RECQL4: variants seen among roughly 807,000 people sequenced by gnomAD.
RECQL4 encodes the protein RecQ like helicase 4.
RECQL4 carries 158 observed loss-of-function variants against 128.6 expected under a neutral mutation model. The observed-to-expected ratio is 1.23, with a 90% CI of 1.08 to 1.40. The LOEUF is 1.40. RECQL4 is among the 40% of genes most tolerant of loss of function. The pLI is 0.00. For synonymous variants in RECQL4, 996 were observed against 678.9 expected (o/e 1.47, Z -7.26); for missense variants, 2,293 against 1,649.8 (o/e 1.39, Z -6.75).
At position 144,514,741 on chromosome 8, in the gene RECQL4, A is replaced by G. The variant is rs553297587; in HGVS notation, c.1620+195T>C. Among the ~76,000 whole-genome samples the G allele has an allele frequency of 3.9e-5, 6 of 152,090 alleles. No homozygotes were observed. The East Asian group carries it at 7.7e-4, about 20-fold the overall frequency. ...GTAGGGATGGCTCCTTTCCCAGCAC[A>G]TTTCCCGTAGGGGTGGCTGTGGTGC... On this transcript the variant is annotated intron_variant, in intron 9 of 20. Coordinates refer to ENST00000617875, the MANE Select transcript of RECQL4 (RefSeq NM_004260.4).
chr8:144,513,406 C>T lies in RECQL4; in HGVS notation c.2275G>A (p.Ala759Thr), dbSNP rs1198791067. The T allele has an allele frequency of 1.2e-6, 2 of 1,608,820 alleles. No homozygotes were observed. Among genetic ancestry groups the T allele is most frequent in the Non-Finnish European group, 1.7e-6 (2 of 1,179,724 alleles). Residue 759 changes from alanine (A) to threonine (T), a missense_variant, in exon 14 of 21, where the codon GCC becomes ACC. By Grantham distance (58) the Ala-to-Thr change is moderately conservative. Transcript: ENST00000617875. ...CSRERRRVQR[A>T]FMQGQLRVVV... Reference sequence around the variant, plus strand: ...ACCCGCAACTGGCCCTGCATGAAGGCTCGCTGTACCCGCCGCCGTTCCCGG... The same window carrying T: ...ACCCGCAACTGGCCCTGCATGAAGGTTCGCTGTACCCGCCGCCGTTCCCGG...
At chr8:144,512,793 G>C (rs776685542) in intron 15 of RECQL4, 22 bp from the exon 16 acceptor site, 1 of 1,610,718 alleles carries the variant, frequency 6.2e-7, no homozygotes, top group Non-Finnish European at 8.5e-7. Context: ...GCAGGGCTCA[G>C]CGGACGCGGG....
At chr8:144,517,392 T>A (rs754630264) in intron 3 of RECQL4, 22 bp downstream of exon 3, 1 of 1,550,342 alleles carries the variant, frequency 6.5e-7, no homozygotes, top group African/African-American at 1.4e-5. Flanking sequence ...GGGAGGAGGC[T>A]GGGGCGGCGG....
chr8:144,516,868 T>C, intron 4 of RECQL4, 104 bp from the exon 5 acceptor site: 2 of 1,387,120 alleles, frequency 1.4e-6, no homozygotes, highest in Non-Finnish European at 1.9e-6. Context: ...AGCAGGCTAA[T>C]TAGCACAAGG....
Position 144,511,892 on chromosome 8 carries a change from C to T in RECQL4, c.3393+19G>A, listed in dbSNP as rs1448166862. The T allele has an allele frequency of 1.2e-6, 2 of 1,610,034 alleles. No homozygotes were observed. Among genetic ancestry groups the T allele is most frequent in the African/African-American group, 1.3e-5 (1 of 74,940 alleles). On this transcript the variant is annotated intron_variant, in intron 19 of 20. Coordinates refer to ENST00000617875, the MANE Select transcript of RECQL4 (RefSeq NM_004260.4). ...GGAACCTGCAACCCCGATGAGCTGC[C>T]TGGCCTTACTGCACTCACTCTGGCC...
chr8:144,517,052 G>C lies in RECQL4; in HGVS notation c.352C>G (p.Gln118Glu). 1 of 1,609,744 alleles carries C rather than the reference G, an allele frequency of 6.2e-7. No individual in the cohort carries two copies. Residue 118 changes from glutamine (Q) to glutamate (E), a missense_variant and splice_region_variant, in exon 4 of 21, where the codon CAG (glutamine) becomes GAG (glutamate). Gln to Glu is a conservative substitution (Grantham distance 29). Transcript: ENST00000617875. ...CTCACTGCCTGCCCACTCCTCACCT[G>C]CAGGGTGCCTTTCAGATTGGCCTTG... ...RLKANLKGTL[Q>E]AGPALGRRPW...
rs559066300 is a variant in RECQL4 at position 144,513,429 on chromosome 8, C to T, written c.2252G>A (p.Arg751Gln). ...AEAYHAGMCSRERRRVQRAFM... is the reference protein window; with the variant it reads ...AEAYHAGMCSQERRRVQRAFM... Reference sequence around the variant, plus strand: ...GGCTCGCTGTACCCGCCGCCGTTCCCGGCTGCACATGCCCGCGTGGTAGGC... The same window carrying T: ...GGCTCGCTGTACCCGCCGCCGTTCCTGGCTGCACATGCCCGCGTGGTAGGC... The change falls in exon 14 of 21, where the codon CGG (arginine) becomes CAG (glutamine). Residue 751 changes from arginine (R) to glutamine (Q), a missense_variant. Arg to Gln is a conservative substitution (Grantham distance 43). Coordinates refer to ENST00000617875, the MANE Select transcript of RECQL4 (RefSeq NM_004260.4). 5.2e-5 allele frequency: 84 copies of T among 1,609,626 alleles called. No homozygotes were observed. The highest frequency in any genetic ancestry group is 1.7e-4 in the African/African-American group (13 of 75,068).
In RECQL4 at chr8:144,515,910, G is replaced by C. The variant is rs375444239; in HGVS notation, c.1132-20C>G. 6.2e-7 allele frequency: 1 copy of C among 1,612,684 alleles called. No individual in the cohort carries two copies. Among genetic ancestry groups the C allele is most frequent in the Non-Finnish European group, 8.5e-7 (1 of 1,179,770 alleles). On this transcript the variant is annotated intron_variant, in intron 5 of 20. Coordinates refer to ENST00000617875, the MANE Select transcript of RECQL4 (RefSeq NM_004260.4). ...CCATGCCTGGGGGGTGCCCACATAG[G>C]AGGGTCACTGGGCGGGAAATACGGG...
rs373765596 is a variant in RECQL4, at chr8:144,515,979, C to T, written c.1131+9G>A. ...AGGGAATGCCTGTCCTGGCCCGTCG[C>T]TGTCTTACCTGCTTGCGGAGGAGCC... On this transcript the variant is annotated intron_variant, in intron 5 of 20. Transcript: ENST00000617875. The T allele has an allele frequency of 3.6e-5, 58 of 1,609,768 alleles. 2 individuals are homozygous for T. The Admixed American group carries it at 3.8e-4, about 11-fold the overall frequency.
rs1391443336 is a variant in RECQL4 at position 144,515,426 on chromosome 8, A to G, written c.1290T>C (p.Pro430=). 1 of 1,612,708 alleles carries G rather than the reference A, an allele frequency of 6.2e-7. No homozygotes were observed. Among genetic ancestry groups the G allele is most frequent in the African/African-American group, 1.3e-5 (1 of 74,942 alleles). Residue 430 remains proline (P), a synonymous_variant, in exon 7 of 21, where the codon CCT becomes CCC. Coordinates refer to ENST00000617875, the MANE Select transcript of RECQL4 (RefSeq NM_004260.4). ...GTTGTGGTGAAGGAACCAGTGGCTC[A>G]GGCCCAACAGCATCTGTGTCTTCCT... ...ASEEDTDAVG[P]EPLVPSPQPV...
chr8:144,514,184 C>T lies in RECQL4; in HGVS notation c.1878+5G>A, dbSNP rs1827811268. The T allele has an allele frequency of 3.7e-6, 6 of 1,612,174 alleles. No individual in the cohort carries two copies. Among genetic ancestry groups the T allele is most frequent in the Non-Finnish European group, 5.1e-6 (6 of 1,179,678 alleles). On this transcript the variant is annotated splice_donor_5th_base_variant and intron_variant, in intron 11 of 20. Transcript: ENST00000617875. Reference sequence around the variant, plus strand: ...GCCGCCCACCCCAGTTCACATATGGCTCACCTTGCAGACGCGCAGGTAGCA... The same window carrying T: ...GCCGCCCACCCCAGTTCACATATGGTTCACCTTGCAGACGCGCAGGTAGCA...
Position 144,512,957 on chromosome 8 carries a change from G to A in RECQL4, c.2645C>T (p.Ala882Val). 6.4e-7 allele frequency: 1 copy of A among 1,573,004 alleles called. No homozygotes were observed. Among genetic ancestry groups the A allele is most frequent in the Non-Finnish European group, 8.6e-7 (1 of 1,159,534 alleles). The change falls in exon 15 of 21, where the codon GCT becomes GTT. Residue 882 changes from alanine to valine, a missense_variant. By Grantham distance (64) the Ala-to-Val change is moderately conservative. Transcript: ENST00000617875. ...GGCTGCTTGGTGGCTAAGCTGCTCA[G>A]CCTCTTGAGGGGGGTACTTGGGCAC... ...RPVPKYPPQE[A>V]EQLSHQAAPG...
At position 144,511,739 on chromosome 8, in the gene RECQL4, G is replaced by A. The variant is rs754479731; in HGVS notation, c.3444C>T (p.Ser1148=). The change falls in exon 20 of 21, where the codon TCC becomes TCT. Residue 1148 remains serine (S), a synonymous_variant. Coordinates refer to ENST00000617875, the MANE Select transcript of RECQL4 (RefSeq NM_004260.4). ...QVRCDIRQFL[S]LRPEEKFSSR... ...TGGAGAACTTCTCCTCTGGCCTCAGGGACAGGAACTGGCGGATGTCGCAGC... is the reference window on the plus strand; with the variant it reads ...TGGAGAACTTCTCCTCTGGCCTCAGAGACAGGAACTGGCGGATGTCGCAGC... 4 of 1,612,486 alleles carry A rather than the reference G, an allele frequency of 2.5e-6. No individual in the cohort carries two copies. The highest frequency in any genetic ancestry group is 2.2e-5 in the East Asian group (1 of 44,904).
chr8:144,516,963 G>A (rs1318501574), intron 4 of RECQL4, 87 bp downstream of exon 4: 5 of 1,527,124 alleles, frequency 3.3e-6, no homozygotes, highest in African/African-American at 1.4e-5. Context: ...GCCCGTGCCT[G>A]TCTGTGTGGA....
Position 144,515,978 on chromosome 8 carries a change from G to T in RECQL4, c.1131+10C>A, listed in dbSNP as rs545222870. 1 of 1,610,380 alleles carries T rather than the reference G, an allele frequency of 6.2e-7. No homozygotes were observed. The highest frequency in any genetic ancestry group is 8.5e-7 in the Non-Finnish European group (1 of 1,178,056). On this transcript the variant is annotated intron_variant, in intron 5 of 20. Coordinates refer to ENST00000617875, the MANE Select transcript of RECQL4 (RefSeq NM_004260.4). The stretch of plus-strand genomic sequence containing the variant: ...AAGGGAATGCCTGTCCTGGCCCGTC[G>T]CTGTCTTACCTGCTTGCGGAGGAGC...
At position 144,516,769 on chromosome 8, in the gene RECQL4, G is replaced by A. The variant is rs372368046; in HGVS notation, c.355-5C>T. The A allele has an allele frequency of 3.3e-5, 50 of 1,518,692 alleles. 1 individual carries two copies. The highest frequency in any genetic ancestry group is 4.1e-5 in the Non-Finnish European group (47 of 1,137,606). The allele number at this position is 1,518,692 out of a possible 1,614,324, so 94.1% of individuals were successfully genotyped here. On this transcript the variant is annotated splice_polypyrimidine_tract_variant and splice_region_variant and intron_variant, in intron 4 of 20. Transcript: ENST00000617875. ...GCGGCCCAGGGCTGGTCCGGCCTGG[G>A]AGGGGAACAACAGAACAGCAGGAGG...
At chr8:144,515,720 TCCACAGTGTTGGCCGGAC>T in intron 6 of RECQL4, 26 bp downstream of exon 6, 1 of 1,603,540 alleles carries the variant, frequency 6.2e-7, no homozygotes, top group Non-Finnish European at 8.5e-7. Context: ...CTGCGCCCTC[TCCACAGTGTTGGCCGGAC>T]CCACCCTCCA....
At position 144,517,095 on chromosome 8, in the gene RECQL4, C is replaced by T. The variant is rs4251688; in HGVS notation, c.309G>A (p.Pro103=). Residue 103 remains proline, a synonymous_variant, in exon 4 of 21, where the codon CCG becomes CCA. Coordinates refer to ENST00000617875, the MANE Select transcript of RECQL4 (RefSeq NM_004260.4). ...TGGCCTTGAGCCGCTGCCCGTAGTCCGGCACCGAGCCCTGGCGGCTCCGCC... is the reference window on the plus strand; with the variant it reads ...TGGCCTTGAGCCGCTGCCCGTAGTCTGGCACCGAGCCCTGGCGGCTCCGCC... ...TPGRSRQGSV[P]DYGQRLKANL... 5.6e-3 allele frequency: 9,048 copies of T among 1,612,434 alleles called. 58 individuals carry two copies. Among genetic ancestry groups the T allele is most frequent in the South Asian group, 5.1e-3 (462 of 91,068 alleles).
chr8:144,514,472 G>A lies in RECQL4; in HGVS notation c.1674C>T (p.Thr558=), dbSNP rs1328875137. The A allele has an allele frequency of 3.1e-6, 5 of 1,612,218 alleles. No homozygotes were observed. The South Asian group carries it at 3.3e-5, about 11-fold the overall frequency. The part of the protein sequence containing the change: ...LKAACIHSGM[T]RKQRESVLQK... ...GCAGGACAGATTCCCGTTGCTTCCT[G>A]GTCATGCCCGAGTGTATGCAGGCCG... The change falls in exon 10 of 21, where the codon ACC becomes ACT. Residue 558 remains threonine, a synonymous_variant. Coordinates refer to ENST00000617875, the MANE Select transcript of RECQL4 (RefSeq NM_004260.4).
Sources: allele counts gnomAD v4.1 joint callset (sites outside exome capture counted in the v4.1 genomes callset), GRCh38; gene constraint gnomAD v4.1.1; transcripts MANE v1.5; gene names NCBI Gene and HGNC (gene_info 2026-07-23, HGNC 2026-07-21).